Variants in HHLA1 observed in about 807,000 individuals in gnomAD.
The protein encoded by HHLA1 is HHLA1 neighbor of OC90.
In HHLA1, 72 loss-of-function variants were observed where a neutral mutation model predicts 69.9. That is an observed-to-expected ratio of 1.03 (90% CI 0.85 to 1.25). HHLA1 has a LOEUF of 1.25. HHLA1 is among the 50% of genes most tolerant of loss of function. HHLA1 has a pLI of 0.00. For missense variants in HHLA1, 685 were observed against 642.2 expected (o/e 1.07, Z -0.72); for synonymous variants, 252 against 233.2 (o/e 1.08, Z -0.73).
chr8:132,078,170 A>AC lies in HHLA1; in HGVS notation c.926-200_926-199insG, dbSNP rs1448478616. Among the ~76,000 whole-genome samples the AC allele has an allele frequency of 1.3e-4, 15 of 112,330 alleles. 1 individual carries two copies. The highest frequency in any genetic ancestry group is 2.0e-4 in the Non-Finnish European group (12 of 58,856). 73.7% of individuals were successfully genotyped at this position (112,330 alleles called of 152,430 possible). ...AAGCATTGTTTTCCTAAGCACCAATAAACACACACACACACACACACACAC... is the reference window on the plus strand; with the variant it reads ...AAGCATTGTTTTCCTAAGCACCAATACAACACACACACACACACACACACAC... On this transcript the variant is annotated intron_variant, in intron 11 of 16. Coordinates refer to ENST00000414222, the MANE Select transcript of HHLA1 (RefSeq NM_001145095.3).
At chr8:132,101,315 T>C (rs1824106857) in intron 3 of HHLA1, 19 of 1,547,436 alleles carry the variant, frequency 1.2e-5, no homozygotes, top group Non-Finnish European at 1.7e-5. Context: ...AACCTGAAAG[T>C]ACAGCCTCAA....
Position 132,062,392 on chromosome 8 carries a change from A to G in HHLA1, c.*1603T>C, listed in dbSNP as rs1369249795. ...CCTCCCCAGGCACCTTGTGGTTCACAGGAGTGCCAGGGAACTCAGGGGTCT... is the reference window on the plus strand; with the variant it reads ...CCTCCCCAGGCACCTTGTGGTTCACGGGAGTGCCAGGGAACTCAGGGGTCT... On this transcript the variant is annotated 3_prime_UTR_variant, in exon 17 of 17. Transcript: ENST00000414222. 1.1e-4 allele frequency: 17 copies of G among 152,324 alleles called. No individual in the cohort carries two copies. The highest frequency in any genetic ancestry group is 8.5e-4 in the Admixed American group (13 of 15,290). The allele number at this position is 152,324 out of a possible 1,614,324, so 9.4% of individuals were successfully genotyped here. A position where few individuals can be genotyped will look rare whatever the true frequency, so the allele number is the denominator to read the frequency against.
intron 10 of HHLA1, among the ~76,000 whole-genome samples, chr8:132,087,237 G>T (rs1823878414): frequency 6.6e-6 from 1 of 152,234 alleles, no homozygotes; most frequent in African/African-American, 2.4e-5. Flanking sequence ...GGGCATGAGG[G>T]TGGGGCATGG....
At chr8:132,071,617 G>T in intron 14 of HHLA1, 124 bp from the exon 15 acceptor site, 1 of 836,470 alleles carries the variant, frequency 1.2e-6, no homozygotes, top group Non-Finnish European at 1.9e-6. Context: ...AGACAGACAG[G>T]TAAACATAGC....
chr8:132,099,976 G>T, intron 4 of HHLA1, 99 bp downstream of exon 4: 1 of 824,856 alleles, frequency 1.2e-6, no homozygotes, highest in Non-Finnish European at 2.0e-6. Context: ...TTAAAGAGAT[G>T]ACGTTCTCGC....
At chr8:132,108,031 C>G (rs1824234462) in intron 1 of HHLA1, among the ~76,000 whole-genome samples, 2 of 152,206 alleles carry the variant, frequency 1.3e-5, no homozygotes, top group Non-Finnish European at 2.9e-5. Flanking sequence ...TCTGGGCTAA[C>G]TTACTTAACC....
At chr8:132,076,913 T>G (rs1823655735) in intron 12 of HHLA1, among the ~76,000 whole-genome samples, 1 of 152,120 alleles carries the variant, frequency 6.6e-6, no homozygotes, top group Non-Finnish European at 1.5e-5. Context: ...TGAGTCTTAG[T>G]GTACACCTTG....
chr8:132,084,672 A>G (rs1292640545), intron 10 of HHLA1, among the ~76,000 whole-genome samples: 1 of 151,972 alleles, frequency 6.6e-6, no homozygotes, highest in Non-Finnish European at 1.5e-5. Context: ...TTTTGAGAAC[A>G]CAGGCTAAGG....
At position 132,063,796 on chromosome 8, in the gene HHLA1, C is replaced by A. The variant is rs767214781; in HGVS notation, c.*199G>T. 10 of 208,558 alleles carry A rather than the reference C, an allele frequency of 4.8e-5. No homozygotes were observed. The highest frequency in any genetic ancestry group is 1.5e-4 in the Admixed American group (3 of 20,680). 12.9% of individuals were successfully genotyped at this position (208,558 alleles called of 1,614,324 possible). A position where few individuals can be genotyped will look rare whatever the true frequency, so the allele number is the denominator to read the frequency against. On this transcript the variant is annotated 3_prime_UTR_variant, in exon 17 of 17. Transcript: ENST00000414222. Reference sequence around the variant, plus strand: ...AATTGTGAGGCCTCTAACAAGAAAACTTCTACCTTCAATGTTTTGCACAGA... The same window carrying A: ...AATTGTGAGGCCTCTAACAAGAAAAATTCTACCTTCAATGTTTTGCACAGA...
chr8:132,099,358 C>T (rs1198026267), intron 4 of HHLA1, among the ~76,000 whole-genome samples: 1 of 152,244 alleles, frequency 6.6e-6, no homozygotes, highest in Non-Finnish European at 1.5e-5. Context: ...TCCACACACC[C>T]TGGCTGAGCA....
In HHLA1 at chr8:132,071,492, C is replaced by G. The variant is rs1386433105; in HGVS notation, c.1317G>C (p.Arg439Ser). ...CCACCTTGAAGAGTGGCTGAGGACA[C>G]CCTAGAAGATGCAATCCCAGACCAA... ...VLVPRPHQVS[R>S]CPQPLFKVGA... Residue 439 changes from arginine (R) to serine (S), a missense_variant and splice_region_variant, in exon 15 of 17, where the codon AGG becomes AGC. By Grantham distance (110) the Arg-to-Ser change is moderately radical. Coordinates refer to ENST00000414222, the MANE Select transcript of HHLA1 (RefSeq NM_001145095.3). 1.3e-6 allele frequency: 2 copies of G among 1,551,048 alleles called. No homozygotes were observed. The highest frequency in any genetic ancestry group is 1.7e-6 in the Non-Finnish European group (2 of 1,146,668).
At chr8:132,064,847 T>C (rs1563738372) in intron 16 of HHLA1, among the ~76,000 whole-genome samples, 1 of 152,218 alleles carries the variant, frequency 6.6e-6, no homozygotes, top group African/African-American at 2.4e-5. Context: ...AGTGTTGACA[T>C]GGATCCCAGG....
chr8:132,072,378 T>C (rs1413763116), intron 14 of HHLA1, among the ~76,000 whole-genome samples: 1 of 152,086 alleles, frequency 6.6e-6, no homozygotes, highest in Admixed American at 6.6e-5. Context: ...ATAAAGTATA[T>C]TGCATATTGA....
rs193142120 is a variant in HHLA1 at position 132,065,112 on chromosome 8, A to C, written c.1552+774T>G. ...CTATGGGTTTTGGGATATTTTTTGC[A>C]GAAGTGAGAGATAAAAAAAAGCTGA... On this transcript the variant is annotated intron_variant, in intron 16 of 16. Transcript: ENST00000414222. Among the ~76,000 whole-genome samples the C allele has an allele frequency of 2.7e-3, 411 of 152,278 alleles. 2 individuals carry two copies. Among genetic ancestry groups the C allele is most frequent in the Middle Eastern group, 6.8e-3 (2 of 294 alleles).
intron 11 of HHLA1, 28 bp downstream of exon 11, chr8:132,079,690 G>A (rs529248690): frequency 2.0e-6 from 3 of 1,519,216 alleles, no homozygotes; most frequent in Admixed American, 2.1e-5. Context: ...CATAGCAAAG[G>A]GGAGGAAAGG....
Position 132,076,109 on chromosome 8 carries a change from G to A in HHLA1, c.1261C>T (p.Pro421Ser), listed in dbSNP as rs951560216. The A allele has an allele frequency of 1.3e-6, 2 of 1,551,074 alleles. No homozygotes were observed. The highest frequency in any genetic ancestry group is 1.7e-6 in the Non-Finnish European group (2 of 1,146,864). Reference protein sequence around the residue: ...PQTGDLSAEWPFTAGEEPVLV... With the variant: ...PQTGDLSAEWSFTAGEEPVLV... ...ACTGGCTCTTCACCAGCAGTGAATG[G>A]CCACTCTGCAGAGAGATCACCTGCA... Residue 421 changes from proline to serine, a missense_variant, in exon 14 of 17, where the codon CCA becomes TCA. By Grantham distance (74) the Pro-to-Ser change is moderately conservative. Transcript: ENST00000414222.
At chr8:132,091,921 T>G (rs1823952114) in intron 7 of HHLA1, among the ~76,000 whole-genome samples, 1 of 152,224 alleles carries the variant, frequency 6.6e-6, no homozygotes, top group South Asian at 2.1e-4. Flanking sequence ...GGGCAAGTAC[T>G]CTAAGTGATT....
At chr8:132,070,291 A>G (rs982158873) in intron 15 of HHLA1, 6 of 701,466 alleles carry the variant, frequency 8.6e-6, no homozygotes, top group African/African-American at 1.7e-5. Context: ...CCATGTCTAG[A>G]CCTTCTTAAT....
chr8:132,099,808 C>T (rs530642424), intron 4 of HHLA1, among the ~76,000 whole-genome samples: 19 of 151,648 alleles, frequency 1.3e-4, no homozygotes, highest in Non-Finnish European at 2.6e-4. Context: ...GAGCCAAGAT[C>T]GTGCTATTGC....
Sources: allele counts gnomAD v4.1 joint callset (sites outside exome capture counted in the v4.1 genomes callset), GRCh38; gene constraint gnomAD v4.1.1; transcripts MANE v1.5; gene names NCBI Gene and HGNC (gene_info 2026-07-23, HGNC 2026-07-21).